ASAP1: variants seen among roughly 807,000 people sequenced by gnomAD.
The protein encoded by ASAP1 is arf-GAP with SH3 domain, ANK repeat and PH domain-containing protein 1.
In ASAP1, 43 loss-of-function variants were observed where a neutral mutation model predicts 145.2. The ratio of observed to expected loss-of-function variants is 0.30; its 90% CI spans 0.23 to 0.38. ASAP1 has a LOEUF of 0.38. ASAP1 is among the 10% of genes least tolerant of loss of function. The probability of loss-of-function intolerance (pLI) is 1.00; values close to 1 mark genes in which losing one functional copy is unlikely to be tolerated. For missense variants in ASAP1, 1,018 were observed against 1,355.3 expected (o/e 0.75, Z 3.91); for synonymous variants, 546 against 515.5 (o/e 1.06, Z -0.80).
At chr8:130,191,252 C>G (rs1033860515) in intron 5 of ASAP1, among the ~76,000 whole-genome samples, 9 of 152,220 alleles carry the variant, frequency 5.9e-5, no homozygotes, top group Admixed American at 5.9e-4. Flanking sequence ...AGAGTTTTTA[C>G]CTACTTGTCT....
chr8:130,193,642 G>A (rs992986163), intron 5 of ASAP1, among the ~76,000 whole-genome samples: 3 of 151,892 alleles, frequency 2.0e-5, no homozygotes, highest in African/African-American at 4.8e-5. Context: ...TCCAAATTAC[G>A]GTTTGCATCA....
intron 25 of ASAP1, among the ~76,000 whole-genome samples, chr8:130,090,844 A>G (rs942714833): frequency 2.0e-5 from 3 of 152,234 alleles, no homozygotes; most frequent in African/African-American, 7.2e-5. Context: ...AACAGGTGAC[A>G]ATCAGCAACG....
intron 3 of ASAP1, among the ~76,000 whole-genome samples, chr8:130,311,315 G>A (rs903864233): frequency 6.6e-6 from 1 of 152,194 alleles, no homozygotes; most frequent in Non-Finnish European, 1.5e-5. Flanking sequence ...CCAAATAGGT[G>A]GTAATTTTGA....
At chr8:130,293,542 C>T (rs1197012720) in intron 3 of ASAP1, among the ~76,000 whole-genome samples, 1 of 152,178 alleles carries the variant, frequency 6.6e-6, no homozygotes, top group African/African-American at 2.4e-5. Context: ...AATGACAGTA[C>T]AAGGTCCAAT....
intron 3 of ASAP1, among the ~76,000 whole-genome samples, chr8:130,300,153 CAGAGAGAGAGAG>C (rs369720584): frequency 6.5e-5 from 5 of 76,892 alleles, no homozygotes; most frequent in African/African-American, 1.6e-4. Context: ...CACACACACA[CAGAGAGAGAGAG>C]AGAGAGAGAG....
At chr8:130,309,087 C>T (rs996732987) in intron 3 of ASAP1, among the ~76,000 whole-genome samples, 2 of 152,154 alleles carry the variant, frequency 1.3e-5, no homozygotes, top group African/African-American at 4.8e-5. Flanking sequence ...AGTACTTCAC[C>T]AAACATGTCC....
At chr8:130,339,333 C>T (rs181757771) in intron 3 of ASAP1, among the ~76,000 whole-genome samples, 2 of 152,292 alleles carry the variant, frequency 1.3e-5, no homozygotes, top group Admixed American at 1.3e-4. Flanking sequence ...AACTTTCACA[C>T]CTGTTTAAAG....
At chr8:130,277,218 G>T (rs1820966394) in intron 3 of ASAP1, among the ~76,000 whole-genome samples, 1 of 152,168 alleles carries the variant, frequency 6.6e-6, no homozygotes, top group South Asian at 2.1e-4. Context: ...CTGCCAAACA[G>T]CGTCAGCGAG....
rs367891174 is a variant in ASAP1 at position 130,229,603 on chromosome 8, TG to T, written c.259+7318del. The stretch of plus-strand genomic sequence containing the variant: ...ACTAATTGAAGACTGAAAAGCACAA[TG>T]GACTCTACCTGGCACAGAGTAGGTA... On this transcript the variant is annotated intron_variant, in intron 4 of 29. Coordinates refer to ENST00000518721, the MANE Select transcript of ASAP1 (RefSeq NM_018482.4). Among the ~76,000 whole-genome samples, 957 of 152,274 alleles carry T rather than the reference TG, an allele frequency of 6.3e-3. 8 individuals are homozygous for T. The highest frequency in any genetic ancestry group is 0.022 in the African/African-American group (927 of 41,560).
intron 1 of ASAP1, among the ~76,000 whole-genome samples, chr8:130,421,206 A>T (rs1207897448): frequency 1.3e-5 from 2 of 152,188 alleles, no homozygotes; most frequent in Non-Finnish European, 2.9e-5. Flanking sequence ...ACAACAAAAA[A>T]ATCACAGTGT....
chr8:130,269,179 C>T (rs1565155658), intron 3 of ASAP1, among the ~76,000 whole-genome samples: 1 of 151,968 alleles, frequency 6.6e-6, no homozygotes, highest in South Asian at 2.1e-4. Context: ...TTAAGGCCAA[C>T]TGAAATTGGC....
intron 5 of ASAP1, among the ~76,000 whole-genome samples, chr8:130,190,009 T>C (rs1815028856): frequency 6.6e-6 from 1 of 152,204 alleles, no homozygotes. Flanking sequence ...TTTTTTCCTA[T>C]GAGTTATTTG....
chr8:130,308,798 T>C (rs185334735), intron 3 of ASAP1, among the ~76,000 whole-genome samples: 2 of 152,088 alleles, frequency 1.3e-5, no homozygotes, highest in Non-Finnish European at 2.9e-5. Context: ...TCCCACCACT[T>C]TGGGAGGCCG....
At chr8:130,204,104 T>C (rs1816046797) in intron 5 of ASAP1, among the ~76,000 whole-genome samples, 2 of 151,944 alleles carry the variant, frequency 1.3e-5, no homozygotes, top group South Asian at 4.2e-4. Flanking sequence ...CAGGAGTGAG[T>C]TGCGGGCTAT....
rs1292404628 is a variant in ASAP1 at position 130,256,769 on chromosome 8, ATATATATATATATCCT to A, written c.187-19791_187-19776del. ...TATATATATATATATATATATATAT[ATATATATATATATCCT>A]TATATATATATAAGCTTTTATTAAA... On this transcript the variant is annotated intron_variant, in intron 3 of 29. Coordinates refer to ENST00000518721, the MANE Select transcript of ASAP1 (RefSeq NM_018482.4). Among the ~76,000 whole-genome samples the A allele has an allele frequency of 1.2e-3, 149 of 123,912 alleles. 1 individual carries two copies. The highest frequency in any genetic ancestry group is 4.2e-3 in the Middle Eastern group (1 of 238). 81.3% of individuals were successfully genotyped at this position (123,912 alleles called of 152,430 possible). A position where few individuals can be genotyped will look rare whatever the true frequency, so the allele number is the denominator to read the frequency against.
intron 24 of ASAP1, among the ~76,000 whole-genome samples, chr8:130,097,790 C>T (rs1036528651): frequency 6.6e-6 from 1 of 152,180 alleles, no homozygotes; most frequent in Non-Finnish European, 1.5e-5. Context: ...ACATTCTCTT[C>T]TCACTGAAGC....
At chr8:130,267,785 A>T (rs1362457996) in intron 3 of ASAP1, among the ~76,000 whole-genome samples, 1 of 152,162 alleles carries the variant, frequency 6.6e-6, no homozygotes, top group African/African-American at 2.4e-5. Flanking sequence ...TTTCTCCTTG[A>T]GAAAATCTTC....
chr8:130,299,502 C>A (rs1455929510), intron 3 of ASAP1, among the ~76,000 whole-genome samples: 1 of 152,178 alleles, frequency 6.6e-6, no homozygotes, highest in Non-Finnish European at 1.5e-5. Context: ...CATCCTCATC[C>A]CCTTTTTAAA....
intron 1 of ASAP1, among the ~76,000 whole-genome samples, chr8:130,402,984 T>TC (rs1329365531): frequency 6.6e-6 from 1 of 151,920 alleles, no homozygotes; most frequent in South Asian, 2.1e-4. Context: ...GAGAAGTGTA[T>TC]CATATACCCC....
Sources: gnomAD v4.1 joint callset for allele counts (sites outside exome capture counted in the v4.1 genomes callset) on GRCh38, gnomAD v4.1.1 for gene constraint, MANE v1.5 for transcripts, NCBI Gene and HGNC (gene_info 2026-07-23, HGNC 2026-07-21) for gene names.